Variants in TLK2 observed in about 807,000 individuals in gnomAD.
TLK2 encodes tousled like kinase 2, also known as serine/threonine-protein kinase tousled-like 2.
A neutral mutation model predicts 117.3 loss-of-function variants in TLK2; 6 were observed. The ratio of observed to expected loss-of-function variants is 0.05; its 90% CI spans 0.03 to 0.10. The LOEUF is 0.10. Ranked by LOEUF, TLK2 falls within the 10% of genes least tolerant of loss-of-function variation. The pLI, the probability that TLK2 is intolerant of heterozygous loss-of-function variation, is 1.00. For missense variants in TLK2, 299 were observed against 901.2 expected (o/e 0.33, Z 8.56); for synonymous variants, 257 against 316.7 (o/e 0.81, Z 2.00).
At chr17:62,540,357 T>C (rs2077431366) in intron 7 of TLK2, among the ~76,000 whole-genome samples, 1 of 144,320 alleles carries the variant, frequency 6.9e-6, no homozygotes, top group African/African-American at 2.5e-5. Flanking sequence ...AATCCAAATC[T>C]ATCAGTAAAG....
intron 6 of TLK2, among the ~76,000 whole-genome samples, chr17:62,526,884 A>G (rs1175125880): frequency 6.6e-6 from 1 of 152,144 alleles, no homozygotes; most frequent in Non-Finnish European, 1.5e-5. Flanking sequence ...TCTTAATGTA[A>G]TAGCCCGAGT....
chr17:62,514,269 A>G (rs2075385395), intron 2 of TLK2, among the ~76,000 whole-genome samples: 1 of 150,916 alleles, frequency 6.6e-6, no homozygotes, highest in African/African-American at 2.4e-5. Context: ...TCAGCCTCCC[A>G]AGTAGCTGGG....
Position 62,524,304 on chromosome 17 carries a change from G to A in TLK2, c.336G>A (p.Pro112=), listed in dbSNP as rs373117526. 10 of 1,613,564 alleles carry A rather than the reference G, an allele frequency of 6.2e-6. No individual in the cohort carries two copies. The highest frequency in any genetic ancestry group is 1.7e-5 in the Admixed American group (1 of 59,954). Residue 112 remains proline (P), a synonymous_variant, in exon 6 of 22, where the codon CCG becomes CCA. Coordinates refer to ENST00000346027, the MANE Select transcript of TLK2 (RefSeq NM_006852.6). ...RSVPPVARSS[P]QHSLSNPLPR... is the part of the protein sequence containing the mutation. Reference sequence around the variant, plus strand: ...TTCCACCAGTTGCACGATCCTCACCGCAACATTCCTTATCCAATCCCTTAC... The same window carrying A: ...TTCCACCAGTTGCACGATCCTCACCACAACATTCCTTATCCAATCCCTTAC...
chr17:62,513,657 A>G (rs1249526700), intron 2 of TLK2, among the ~76,000 whole-genome samples: 2 of 152,010 alleles, frequency 1.3e-5, no homozygotes, highest in African/African-American at 4.8e-5. Context: ...GTAAAAAATC[A>G]GTTGGATATA....
chr17:62,569,345 G>A (rs2080077423), intron 11 of TLK2, among the ~76,000 whole-genome samples: 1 of 149,828 alleles, frequency 6.7e-6, no homozygotes, highest in African/African-American at 2.5e-5. Flanking sequence ...CATGTTGTTT[G>A]AAGTTTTGAA....
chr17:62,568,950 G>A (rs866656467), intron 11 of TLK2, among the ~76,000 whole-genome samples: 1 of 152,026 alleles, frequency 6.6e-6, no homozygotes, highest in Non-Finnish European at 1.5e-5. Flanking sequence ...TTTAGGTATC[G>A]TATACCATTT....
intron 2 of TLK2, among the ~76,000 whole-genome samples, chr17:62,510,479 C>T (rs561284912): frequency 1.2e-3 from 186 of 152,324 alleles, no homozygotes; most frequent in Non-Finnish European, 2.3e-3. Context: ...AGCTACCTCA[C>T]AAGGTAGGGC....
intron 2 of TLK2, among the ~76,000 whole-genome samples, chr17:62,481,910 T>C (rs2071699762): frequency 6.6e-6 from 1 of 152,180 alleles, no homozygotes; most frequent in Non-Finnish European, 1.5e-5. Flanking sequence ...TCCAAGATCA[T>C]ATTACTTGGG....
chr17:62,505,800 T>C (rs1342678780), intron 2 of TLK2, among the ~76,000 whole-genome samples: 1 of 152,182 alleles, frequency 6.6e-6, no homozygotes, highest in Non-Finnish European at 1.5e-5. Context: ...CAATTGATCT[T>C]CCTACCTCAG....
chr17:62,509,262 A>G (rs1013059765), intron 2 of TLK2, among the ~76,000 whole-genome samples: 2 of 151,718 alleles, frequency 1.3e-5, no homozygotes, highest in African/African-American at 4.8e-5. Context: ...GTAATTTTCT[A>G]ATTTTTTGTA....
At chr17:62,493,298 A>G (rs1326062710) in intron 2 of TLK2, among the ~76,000 whole-genome samples, 9 of 152,214 alleles carry the variant, frequency 5.9e-5, no homozygotes, top group Non-Finnish European at 1.3e-4. Flanking sequence ...GTATATGTCA[A>G]AATTTCATTT....
At chr17:62,600,333 A>G (rs1387712344) in intron 17 of TLK2, 1 of 188,944 alleles carries the variant, frequency 5.3e-6, no homozygotes, top group Non-Finnish European at 1.1e-5. Context: ...AGCCCCTTCC[A>G]AGAAGATACC....
intron 2 of TLK2, among the ~76,000 whole-genome samples, chr17:62,484,442 A>G (rs2072087396): frequency 6.6e-6 from 1 of 151,650 alleles, no homozygotes; most frequent in Admixed American, 6.6e-5. Flanking sequence ...GATTACAGGC[A>G]CGTGCCACCA....
chr17:62,495,605 T>G (rs2073571757), intron 2 of TLK2, among the ~76,000 whole-genome samples: 1 of 149,240 alleles, frequency 6.7e-6, no homozygotes, highest in Non-Finnish European at 1.5e-5. Flanking sequence ...ATAATTAATC[T>G]TGATTAGTTT....
chr17:62,566,066 C>T (rs996724208), intron 11 of TLK2, among the ~76,000 whole-genome samples: 14 of 152,114 alleles, frequency 9.2e-5, no homozygotes, highest in Non-Finnish European at 2.1e-4. Context: ...GGTATTTATT[C>T]CAATGAGGGA....
chr17:62,592,680 C>G (rs574248899), intron 16 of TLK2, among the ~76,000 whole-genome samples: 1 of 152,194 alleles, frequency 6.6e-6, no homozygotes, highest in African/African-American at 2.4e-5. Context: ...TTCCATGGAC[C>G]GGGGACAGGG....
chr17:62,476,272 A>G (rs1254753935), upstream of TLK2, among the ~76,000 whole-genome samples: 1 of 151,582 alleles, frequency 6.6e-6, no homozygotes, highest in African/African-American at 2.4e-5. Flanking sequence ...GAGCTACCGC[A>G]CCCAGCCTAC....
chr17:62,521,199 C>T (rs186884372), intron 3 of TLK2, among the ~76,000 whole-genome samples: 1 of 152,256 alleles, frequency 6.6e-6, no homozygotes, highest in African/African-American at 2.4e-5. Flanking sequence ...TCCCTGGGTG[C>T]TGTTAGACTC....
chr17:62,479,535 CG>C (rs1037502450), intron 1 of TLK2, among the ~76,000 whole-genome samples: 6 of 152,042 alleles, frequency 3.9e-5, no homozygotes, highest in Non-Finnish European at 7.4e-5. Flanking sequence ...GGAGGAGAGA[CG>C]GGGGCCCCCA....
Sources: gnomAD v4.1 joint callset for allele counts (sites outside exome capture counted in the v4.1 genomes callset) on GRCh38, gnomAD v4.1.1 for gene constraint, MANE v1.5 for transcripts, NCBI Gene and HGNC (gene_info 2026-07-23, HGNC 2026-07-21) for gene names.